The following EYS variants were observed in gnomAD, a reference collection of about 807,000 sequenced individuals.
EYS encodes protein eyes shut homolog.
EYS carries 250 observed loss-of-function variants against 282.1 expected under a neutral mutation model. The ratio of observed to expected loss-of-function variants is 0.89; its 90% CI spans 0.80 to 0.98. The LOEUF (loss-of-function observed/expected upper bound fraction) is 0.98, where lower values mean the gene tolerates loss of function less well. EYS is among the 50% of genes least tolerant of loss of function. The probability of loss-of-function intolerance (pLI) is 0.00; values close to 1 mark genes in which losing one functional copy is unlikely to be tolerated. For synonymous variants in EYS, 1,355 were observed against 1,282.9 expected (o/e 1.06, Z -1.20); for missense variants, 4,016 against 3,709.0 (o/e 1.08, Z -2.15).
In EYS at chr6:65,658,856, T is replaced by C. The variant is rs985496140; in HGVS notation, c.-447-18964A>G. On this transcript the variant is annotated intron_variant, in intron 1 of 42. Transcript: ENST00000503581. ...TACAGATATTGTCTTGGGATGGGGA[T>C]AAAGGAAAGAATACATTGTATCTCA... 2.0e-5 allele frequency among the ~76,000 whole-genome samples: 3 copies of C among 151,628 alleles called. No individual in the cohort carries two copies. The East Asian group carries it at 5.8e-4, about 29-fold the overall frequency.
intron 2 of EYS, among the ~76,000 whole-genome samples, chr6:65,506,479 T>C (rs1232172825): frequency 6.8e-5 from 4 of 58,650 alleles, no homozygotes; most frequent in Non-Finnish European, 7.5e-5. Flanking sequence ...TTTTTTTTTT[T>C]TTTTTTTTTT....
At chr6:63,800,588 G>A (rs930256074) in intron 37 of EYS, among the ~76,000 whole-genome samples, 5 of 152,216 alleles carry the variant, frequency 3.3e-5, no homozygotes, top group South Asian at 4.1e-4. Flanking sequence ...GATCACCTGA[G>A]GTCAGGAGTT....
chr6:65,553,217 C>A (rs141428582), intron 2 of EYS, among the ~76,000 whole-genome samples: 3 of 152,256 alleles, frequency 2.0e-5, no homozygotes, highest in African/African-American at 7.2e-5. Flanking sequence ...CAAGTGGCTT[C>A]ATCTGAAACA....
chr6:65,208,391 G>A (rs562963270), intron 12 of EYS, among the ~76,000 whole-genome samples: 1 of 151,914 alleles, frequency 6.6e-6, no homozygotes, highest in South Asian at 2.1e-4. Flanking sequence ...AAAATAGTGT[G>A]GGGATGTATC....
chr6:64,219,499 A>G (rs1446557559), intron 31 of EYS, among the ~76,000 whole-genome samples: 1 of 152,194 alleles, frequency 6.6e-6, no homozygotes, highest in Non-Finnish European at 1.5e-5. Context: ...TTGTTTGTTA[A>G]GAAAGAATTT....
At chr6:64,402,125 T>A (rs1385557020) in intron 28 of EYS, among the ~76,000 whole-genome samples, 1 of 152,156 alleles carries the variant, frequency 6.6e-6, no homozygotes, top group Non-Finnish European at 1.5e-5. Context: ...ATATTACTTA[T>A]AATTAAGACT....
At chr6:63,902,215 T>C (rs753584429) in intron 35 of EYS, among the ~76,000 whole-genome samples, 1 of 152,114 alleles carries the variant, frequency 6.6e-6, no homozygotes, top group Non-Finnish European at 1.5e-5. Flanking sequence ...AGATTAGGGA[T>C]AGTCAACTTG....
At chr6:65,009,042 C>T in intron 13 of EYS, among the ~76,000 whole-genome samples, 1 of 152,146 alleles carries the variant, frequency 6.6e-6, no homozygotes, top group East Asian at 1.9e-4. Context: ...CTAGCAAAAG[C>T]AGGGGCCATT....
chr6:64,836,187 T>C (rs1349210090), intron 19 of EYS, among the ~76,000 whole-genome samples: 1 of 71,584 alleles, frequency 1.4e-5, no homozygotes, highest in Non-Finnish European at 3.5e-5. Context: ...TAACATGTCA[T>C]GTTTTTTTTC....
rs540506858 is a variant in EYS, at chr6:63,950,226, T to G, written c.7055+34157A>C. On this transcript the variant is annotated intron_variant, in intron 35 of 42. Transcript: ENST00000503581. ...AAAAAACAAAAAAAACAAAACCTGC[T>G]TGTCAGGCTTCTGGGCCCAAGCCTG... 3.7e-3 allele frequency among the ~76,000 whole-genome samples: 566 copies of G among 151,410 alleles called. 1 individual carries two copies. Among genetic ancestry groups the G allele is most frequent in the African/African-American group, 0.013 (528 of 41,354 alleles).
intron 36 of EYS, among the ~76,000 whole-genome samples, chr6:63,846,165 C>T (rs138600788): frequency 1.5e-3 from 222 of 152,192 alleles, no homozygotes; most frequent in African/African-American, 5.1e-3. Context: ...TAAAATGCAA[C>T]GGATATAGCT....
intron 22 of EYS, among the ~76,000 whole-genome samples, chr6:64,807,059 G>C (rs563522427): frequency 1.3e-5 from 2 of 152,096 alleles, no homozygotes; most frequent in Non-Finnish European, 2.9e-5. Context: ...TGCTATTAAA[G>C]TGTTACACAT....
At position 65,566,155 on chromosome 6, in the gene EYS, G is replaced by C. The variant is rs540506172; in HGVS notation, c.-332-70162C>G. Among the ~76,000 whole-genome samples the C allele has an allele frequency of 2.0e-5, 3 of 152,142 alleles. No individual in the cohort carries two copies. In the South Asian group the frequency reaches 6.2e-4, roughly 32 times the overall value. ...ATGGCCAGTAAAGGGCAAAATGTTG[G>C]AATTTGACTTTCCTTGGGGACATGT... On this transcript the variant is annotated intron_variant, in intron 2 of 42. Coordinates refer to ENST00000503581, the MANE Select transcript of EYS (RefSeq NM_001142800.2).
At chr6:65,226,835 T>C (rs1766638537) in intron 12 of EYS, among the ~76,000 whole-genome samples, 1 of 152,208 alleles carries the variant, frequency 6.6e-6, no homozygotes, top group African/African-American at 2.4e-5. Context: ...TTAGTAGTGC[T>C]CTTCACAGTA....
At chr6:65,365,942 T>C (rs1342903873) in intron 8 of EYS, among the ~76,000 whole-genome samples, 2 of 151,832 alleles carry the variant, frequency 1.3e-5, no homozygotes, top group East Asian at 1.9e-4. Flanking sequence ...GGTGAAAACA[T>C]GACTTTGCAA....
At chr6:64,129,423 C>G (rs1299876451) in intron 31 of EYS, among the ~76,000 whole-genome samples, 3 of 152,138 alleles carry the variant, frequency 2.0e-5, no homozygotes, top group Non-Finnish European at 1.5e-5. Context: ...TAAATGTCTT[C>G]TTTTGAGAAG....
intron 2 of EYS, among the ~76,000 whole-genome samples, chr6:65,568,718 C>T (rs1277379931): frequency 6.6e-6 from 1 of 152,140 alleles, no homozygotes; most frequent in Non-Finnish European, 1.5e-5. Context: ...TCAGGAGAAG[C>T]AGTTGAGAAA....
chr6:64,975,667 G>T (rs1770452123), intron 14 of EYS, among the ~76,000 whole-genome samples: 1 of 151,532 alleles, frequency 6.6e-6, no homozygotes, highest in Admixed American at 6.6e-5. Context: ...GAATCACAGG[G>T]GCCTTTAATA....
chr6:65,207,090 T>G (rs1222882053), intron 12 of EYS, among the ~76,000 whole-genome samples: 1 of 151,804 alleles, frequency 6.6e-6, no homozygotes, highest in Non-Finnish European at 1.5e-5. Flanking sequence ...AAATTATCTC[T>G]ATTCACTGAT....
Sources: allele counts gnomAD v4.1 joint callset (sites outside exome capture counted in the v4.1 genomes callset), GRCh38; gene constraint gnomAD v4.1.1; transcripts MANE v1.5; gene names NCBI Gene and HGNC (gene_info 2026-07-23, HGNC 2026-07-21).